The following PCBP3 variants were observed in gnomAD, a reference collection of about 807,000 sequenced individuals.
The protein encoded by PCBP3 is poly(rC)-binding protein 3.
Under a neutral mutation model 52.7 loss-of-function variants are expected in PCBP3, and 25 were observed. That is an observed-to-expected ratio of 0.47 (90% confidence interval 0.35 to 0.66). PCBP3 has a LOEUF of 0.66. Ranked by LOEUF, PCBP3 falls within the 30% of genes least tolerant of loss-of-function variation. PCBP3 has a pLI of 0.01. For missense variants in PCBP3, 391 were observed against 490.3 expected, an observed-to-expected ratio of 0.80 and a Z score of 1.91; for synonymous variants, 162 against 183.0, an observed-to-expected ratio of 0.89 and a Z score of 0.93.
rs1439302153 is a variant in PCBP3 at position 45,817,829 on chromosome 21, A to T, written c.-125-32132A>T. ...GTGGTTTCCATTTTCAGTTGATGAT[A>T]TCCTTATGAACTCAGGATTTATTTC... On this transcript the variant is annotated intron_variant, in intron 4 of 17. Transcript: ENST00000681687. The surrounding 1 kb of genome is among the most constrained non-coding windows in gnomAD (Gnocchi z 4.3). Among the ~76,000 whole-genome samples, 2 of 152,230 alleles carry T rather than the reference A, an allele frequency of 1.3e-5. No individual in the cohort carries two copies. Among genetic ancestry groups the T allele is most frequent in the African/African-American group, 4.8e-5 (2 of 41,460 alleles).
chr21:45,652,548 C>T (rs1037046518), intron 1 of PCBP3, among the ~76,000 whole-genome samples: 3 of 150,322 alleles, frequency 2.0e-5, no homozygotes, highest in Non-Finnish European at 4.4e-5. Context: ...TCAAGCAGTT[C>T]TTCATGCCTC....
chr21:45,717,501 G>A (rs1218611750), intron 2 of PCBP3, among the ~76,000 whole-genome samples: 1 of 152,076 alleles, frequency 6.6e-6, no homozygotes, highest in East Asian at 1.9e-4. Context: ...AGTTAATAAA[G>A]CTTCCTTTTA....
intron 7 of PCBP3, 40 bp downstream of exon 7, chr21:45,899,662 G>A (rs752024199): frequency 1.4e-5 from 22 of 1,536,788 alleles, no homozygotes; most frequent in South Asian, 5.6e-5. Context: ...TGGGGTCTCT[G>A]TAAGGGGATG....
chr21:45,667,398 T>A (rs2080880648), intron 1 of PCBP3, among the ~76,000 whole-genome samples: 1 of 152,186 alleles, frequency 6.6e-6, no homozygotes, highest in Non-Finnish European at 1.5e-5. Flanking sequence ...CTTAGATTGG[T>A]TAATCTCAGT....
At chr21:45,697,793 ACTTAT>A (rs1412366713) in intron 2 of PCBP3, among the ~76,000 whole-genome samples, 18 of 152,038 alleles carry the variant, frequency 1.2e-4, no homozygotes, top group South Asian at 2.1e-4. Flanking sequence ...TTATTCTCCT[ACTTAT>A]CTTATTAATA....
At chr21:45,858,614 C>G (rs1290449508) in intron 5 of PCBP3, 1 of 152,218 alleles carries the variant, frequency 6.6e-6, no homozygotes, top group Non-Finnish European at 1.5e-5. Flanking sequence ...TTGCATGACT[C>G]TGTTCCCAAA....
chr21:45,708,123 G>A (rs2083576815), intron 2 of PCBP3, among the ~76,000 whole-genome samples: 1 of 152,160 alleles, frequency 6.6e-6, no homozygotes, highest in African/African-American at 2.4e-5. Context: ...CTCCTTCCTA[G>A]GGGTTCCACA....
In PCBP3 at chr21:45,741,844, A is replaced by G. The variant is rs1034318510; in HGVS notation, c.-162+6415A>G. Among the ~76,000 whole-genome samples the G allele has an allele frequency of 6.6e-6, 1 of 152,064 alleles. No homozygotes were observed. Among genetic ancestry groups the G allele is most frequent in the African/African-American group, 2.4e-5 (1 of 41,410 alleles). On this transcript the variant is annotated intron_variant, in intron 3 of 17. Coordinates refer to ENST00000681687, the MANE Select transcript of PCBP3 (RefSeq NM_001384156.1). The surrounding 1 kb of genome is among the most constrained non-coding windows in gnomAD (Gnocchi z 4.5). ...CTCTGGCTTGGTGAATCTGAGGCAG[A>G]TCTTTCTCCTCAGGTTGCTTGAGCT...
At chr21:45,810,218 C>CTGTGTGTGTGTG (rs149677854) in intron 4 of PCBP3, among the ~76,000 whole-genome samples, 4,666 of 148,112 alleles carry the variant, frequency 0.032, 100 homozygotes, top group Middle Eastern at 0.097. Flanking sequence ...TGATTCGATT[C>CTGTGTGTGTGTG]TGTGTGTGTG....
At chr21:45,846,292 A>G (rs1194751694) in intron 4 of PCBP3, among the ~76,000 whole-genome samples, 1 of 152,222 alleles carries the variant, frequency 6.6e-6, no homozygotes, top group African/African-American at 2.4e-5. Flanking sequence ...TACCAAGGAA[A>G]TAGCCTTTGG....
intron 10 of PCBP3, among the ~76,000 whole-genome samples, chr21:45,910,324 A>G (rs1410414845): frequency 1.3e-5 from 2 of 151,378 alleles, no homozygotes; most frequent in Non-Finnish European, 2.9e-5. Flanking sequence ...CTAGCTGGTC[A>G]CATGGTTCTG....
At chr21:45,824,581 G>A (rs577124842) in intron 4 of PCBP3, among the ~76,000 whole-genome samples, 12 of 152,356 alleles carry the variant, frequency 7.9e-5, no homozygotes, top group South Asian at 2.1e-4. Flanking sequence ...CCGCAACAGC[G>A]GTGAGCTCTC....
chr21:45,784,769 G>A (rs560580488), intron 4 of PCBP3, among the ~76,000 whole-genome samples: 214 of 152,322 alleles, frequency 1.4e-3, no homozygotes, highest in Non-Finnish European at 1.5e-3. Flanking sequence ...AGTGCTCAAT[G>A]GTGCCCGGGC....
At chr21:45,916,221 G>A (rs2073383496) in intron 12 of PCBP3, 2 of 152,388 alleles carry the variant, frequency 1.3e-5, no homozygotes, top group South Asian at 2.1e-4. Context: ...GCTGACCTGG[G>A]ACCCCGTGCG....
chr21:45,862,612 T>C (rs1449799928), intron 5 of PCBP3, among the ~76,000 whole-genome samples: 1 of 152,228 alleles, frequency 6.6e-6, no homozygotes, highest in Non-Finnish European at 1.5e-5. Flanking sequence ...TTTAGCTTCT[T>C]TCTTTAATAA....
Position 45,737,475 on chromosome 21 carries a change from G to A in PCBP3, c.-162+2046G>A, listed in dbSNP as rs1194327178. ...TGTTCCCATTTTCTCTTCGACTTTGGTGTTGTCCAAATTCTTCTGAGCCTA... is the reference window on the plus strand; with the variant it reads ...TGTTCCCATTTTCTCTTCGACTTTGATGTTGTCCAAATTCTTCTGAGCCTA... On this transcript the variant is annotated intron_variant, in intron 3 of 17. Coordinates refer to ENST00000681687, the MANE Select transcript of PCBP3 (RefSeq NM_001384156.1). The surrounding 1 kb of genome is among the most constrained non-coding windows in gnomAD (Gnocchi z 4.9). 2.6e-5 allele frequency among the ~76,000 whole-genome samples: 4 copies of A among 152,204 alleles called. No homozygotes were observed. Among genetic ancestry groups the A allele is most frequent in the Non-Finnish European group, 1.5e-5 (1 of 68,032 alleles).
At chr21:45,909,737 TGGC>T (rs2096293501) in intron 10 of PCBP3, among the ~76,000 whole-genome samples, 1 of 15,332 alleles carries the variant, frequency 6.5e-5, no homozygotes, top group South Asian at 2.5e-3. Context: ...GATACAGACC[TGGC>T]CCACCCACTG....
intron 5 of PCBP3, among the ~76,000 whole-genome samples, chr21:45,891,347 G>A (rs62211941): frequency 1.6e-4 from 25 of 152,240 alleles, no homozygotes; most frequent in Admixed American, 8.5e-4. Context: ...CATACAGCTC[G>A]AATGTTCTTC....
At chr21:45,770,971 T>G (rs2089818828) in intron 4 of PCBP3, among the ~76,000 whole-genome samples, 1 of 152,260 alleles carries the variant, frequency 6.6e-6, no homozygotes, top group African/African-American at 2.4e-5. Flanking sequence ...TCCAGTGGTT[T>G]GTTTTCCTGA....
Sources: gnomAD v4.1 joint callset for allele counts (sites outside exome capture counted in the v4.1 genomes callset) on GRCh38, gnomAD v4.1.1 for gene constraint, Gnocchi (gnomAD v3.1) non-coding constraint, MANE v1.5 for transcripts, NCBI Gene and HGNC (gene_info 2026-07-23, HGNC 2026-07-21) for gene names.